PRKACB: variants seen among roughly 807,000 people sequenced by gnomAD.
PRKACB encodes cAMP-dependent protein kinase catalytic subunit beta.
In PRKACB, 16 loss-of-function variants were observed where a neutral mutation model predicts 51.4. The ratio of observed to expected loss-of-function variants is 0.31; its 90% confidence interval spans 0.21 to 0.47. The LOEUF (loss-of-function observed/expected upper bound fraction) is 0.47. Among genes scored for constraint, PRKACB ranks in the 20% least tolerant of loss-of-function variants. The probability of loss-of-function intolerance (pLI) is 1.00; values close to 1 mark genes in which losing one functional copy is unlikely to be tolerated. For missense variants in PRKACB, 309 were observed against 464.5 expected (o/e 0.67, Z 3.08); for synonymous variants, 147 against 154.4 (o/e 0.95, Z 0.35).
chr1:84,137,994 G>A (rs909184813), intron 1 of PRKACB, among the ~76,000 whole-genome samples: 4 of 152,108 alleles, frequency 2.6e-5, no homozygotes, highest in African/African-American at 7.2e-5. Flanking sequence ...TAGTATACAC[G>A]TATATTTCCT....
intron 1 of PRKACB, among the ~76,000 whole-genome samples, chr1:84,114,571 A>T (rs757111513): frequency 1.8e-4 from 28 of 152,114 alleles, no homozygotes; most frequent in Non-Finnish European, 3.7e-4. Flanking sequence ...CCCAAGTACA[A>T]TATACTTTTG....
At chr1:84,094,342 T>C (rs1401250224) in intron 1 of PRKACB, among the ~76,000 whole-genome samples, 1 of 152,046 alleles carries the variant, frequency 6.6e-6, no homozygotes, top group Non-Finnish European at 1.5e-5. Context: ...TTTTGAATCT[T>C]AAATTAATAT....
chr1:84,081,884 C>T (rs189438674), intron 1 of PRKACB, among the ~76,000 whole-genome samples: 6 of 152,108 alleles, frequency 3.9e-5, no homozygotes, highest in Non-Finnish European at 5.9e-5. Flanking sequence ...ACCTAGTGTT[C>T]GCATATGATC....
At chr1:84,133,074 T>C (rs1557992304) in intron 1 of PRKACB, among the ~76,000 whole-genome samples, 1 of 152,034 alleles carries the variant, frequency 6.6e-6, no homozygotes, top group Non-Finnish European at 1.5e-5. Context: ...CCGTGCACAT[T>C]ATATTTAAAA....
chr1:84,227,226 C>CT (rs1303948620), intron 9 of PRKACB, among the ~76,000 whole-genome samples: 1 of 151,996 alleles, frequency 6.6e-6, no homozygotes, highest in Non-Finnish European at 1.5e-5. Context: ...CATCTTATAT[C>CT]TATTCCTTAT....
At chr1:84,129,059 A>G (rs1040240472) in intron 1 of PRKACB, among the ~76,000 whole-genome samples, 1 of 152,222 alleles carries the variant, frequency 6.6e-6, no homozygotes, top group African/African-American at 2.4e-5. Flanking sequence ...AAGAAAAATT[A>G]GAGAATACTT....
chr1:84,129,670 G>A (rs1651980148), intron 1 of PRKACB, among the ~76,000 whole-genome samples: 1 of 152,064 alleles, frequency 6.6e-6, no homozygotes, highest in African/African-American at 2.4e-5. Flanking sequence ...CAATTAAGAT[G>A]GAGTAAGTAA....
intron 1 of PRKACB, among the ~76,000 whole-genome samples, chr1:84,103,374 G>A (rs1250369212): frequency 6.7e-6 from 1 of 150,296 alleles, no homozygotes; most frequent in Non-Finnish European, 1.5e-5. Flanking sequence ...AGACCAACAT[G>A]CTGTTCAAAG....
At chr1:84,234,523 C>G (rs1483877072) in intron 9 of PRKACB, among the ~76,000 whole-genome samples, 1 of 152,238 alleles carries the variant, frequency 6.6e-6, no homozygotes, top group Non-Finnish European at 1.5e-5. Context: ...CTCACTGCCA[C>G]CTTGCAGTTT....
chr1:84,234,839 G>C (rs1021680005), intron 9 of PRKACB, among the ~76,000 whole-genome samples: 1 of 152,148 alleles, frequency 6.6e-6, no homozygotes, highest in African/African-American at 2.4e-5. Context: ...AGATGAACCT[G>C]GTACCTCAGA....
intron 1 of PRKACB, among the ~76,000 whole-genome samples, chr1:84,101,035 C>G (rs1001871475): frequency 6.6e-6 from 1 of 152,170 alleles, no homozygotes; most frequent in Non-Finnish European, 1.5e-5. Flanking sequence ...TGATAAGAAA[C>G]TCATTACGCT....
intron 1 of PRKACB, among the ~76,000 whole-genome samples, chr1:84,105,333 T>C (rs1649650546): frequency 6.6e-6 from 1 of 152,136 alleles, no homozygotes; most frequent in Admixed American, 6.5e-5. Flanking sequence ...AGAGAAACTT[T>C]CCTCTTTCAT....
intron 1 of PRKACB, among the ~76,000 whole-genome samples, chr1:84,154,899 A>G (rs574679768): frequency 9.2e-5 from 14 of 152,254 alleles, no homozygotes; most frequent in African/African-American, 3.1e-4. Context: ...TAAAGGCTAC[A>G]TAGGATAAGC....
chr1:84,231,886 A>G (rs1470418996), intron 9 of PRKACB, among the ~76,000 whole-genome samples: 3 of 151,298 alleles, frequency 2.0e-5, no homozygotes, highest in Non-Finnish European at 4.4e-5. Flanking sequence ...TGGATTCATT[A>G]ATTTTTTGAA....
At chr1:84,235,067 C>A in intron 9 of PRKACB, 113 bp from the exon 10 acceptor site, 1 of 1,123,160 alleles carries the variant, frequency 8.9e-7, no homozygotes, top group Non-Finnish European at 1.3e-6. Context: ...AACCTAATGG[C>A]ATCTAAGGAT....
intron 1 of PRKACB, among the ~76,000 whole-genome samples, chr1:84,117,103 TC>T (rs1650697270): frequency 1.3e-5 from 2 of 152,154 alleles, no homozygotes; most frequent in African/African-American, 4.8e-5. Context: ...ATGTGGTGCA[TC>T]CCATTTATTG....
intron 1 of PRKACB, among the ~76,000 whole-genome samples, chr1:84,131,344 C>CA (rs57331999): frequency 0.93 from 136,479 of 146,504 alleles, 63,706 homozygotes; most frequent in East Asian, 0.99. Context: ...AACTCCATCT[C>CA]AAAAAAAAAA....
intron 1 of PRKACB, among the ~76,000 whole-genome samples, chr1:84,149,367 C>G (rs775808258): frequency 6.6e-6 from 1 of 152,052 alleles, no homozygotes; most frequent in Non-Finnish European, 1.5e-5. Context: ...TCAAGCGATC[C>G]TCCCATCTCA....
At chr1:84,207,301 AG>A (rs902440224) in intron 8 of PRKACB, among the ~76,000 whole-genome samples, 1 of 152,170 alleles carries the variant, frequency 6.6e-6, no homozygotes, top group African/African-American at 2.4e-5. Flanking sequence ...GTTTCTGCAT[AG>A]GTAAGGGAAC....
Sources: allele counts gnomAD v4.1 joint callset (sites outside exome capture counted in the v4.1 genomes callset), GRCh38; gene constraint gnomAD v4.1.1; transcripts MANE v1.5; gene names NCBI Gene and HGNC (gene_info 2026-07-23, HGNC 2026-07-21).